Variants in FOXP1 observed in about 807,000 individuals in gnomAD.
The protein encoded by FOXP1 is forkhead box protein P1.
In FOXP1, 15 loss-of-function variants were observed where a neutral mutation model predicts 98.2. That is an observed-to-expected ratio of 0.15 (90% CI 0.10 to 0.24). FOXP1 has a LOEUF of 0.24. Ranked by LOEUF, FOXP1 falls within the 10% of genes least tolerant of loss-of-function variation. The pLI is 1.00. For missense variants in FOXP1, 633 were observed against 848.5 expected (o/e 0.75, Z 3.15); for synonymous variants, 371 against 314.5 (o/e 1.18, Z -1.90).
intron 2 of FOXP1, among the ~76,000 whole-genome samples, chr3:71,578,801 T>C (rs2047920658): frequency 6.6e-6 from 1 of 152,252 alleles, no homozygotes. Flanking sequence ...GGGTATAGTC[T>C]TTAAAAAGGC....
intron 12 of FOXP1, among the ~76,000 whole-genome samples, chr3:71,002,381 G>A (rs2042230697): frequency 6.6e-6 from 1 of 152,188 alleles, no homozygotes; most frequent in African/African-American, 2.4e-5. Flanking sequence ...GTGAACAACA[G>A]TGATGCACCT....
chr3:71,028,669 A>T (rs1002492005), intron 11 of FOXP1, among the ~76,000 whole-genome samples: 1 of 152,246 alleles, frequency 6.6e-6, no homozygotes, highest in Admixed American at 6.5e-5. Flanking sequence ...TTTCGGGATG[A>T]TTCAAGCACA....
chr3:71,394,797 T>TA (rs1261876782), intron 3 of FOXP1, among the ~76,000 whole-genome samples: 1 of 152,128 alleles, frequency 6.6e-6, no homozygotes. Context: ...ATTATGGCTC[T>TA]TAACGAAAGA....
chr3:71,373,015 T>C (rs907857557), intron 3 of FOXP1, among the ~76,000 whole-genome samples: 2 of 152,192 alleles, frequency 1.3e-5, no homozygotes, highest in African/African-American at 4.8e-5. Flanking sequence ...TCACTCCCAG[T>C]GCCAGGTGCA....
chr3:71,009,869 T>C (rs964761023), intron 12 of FOXP1, among the ~76,000 whole-genome samples: 1 of 151,864 alleles, frequency 6.6e-6, no homozygotes, highest in Non-Finnish European at 1.5e-5. Context: ...CCACCTTAGC[T>C]TCCCAATTAA....
Position 71,304,237 on chromosome 3 carries a change from C to A in FOXP1, c.-72-4357G>T, listed in dbSNP as rs79655991. The stretch of plus-strand genomic sequence containing the variant: ...TGGCAGCCCCCCACTCACTCCACAT[C>A]GGCCCATCTCATTTGGAAAAATGAC... On this transcript the variant is annotated intron_variant, in intron 4 of 20. Coordinates refer to ENST00000649528, the MANE Select transcript of FOXP1 (RefSeq NM_001349338.3). 4.0e-4 allele frequency among the ~76,000 whole-genome samples: 61 copies of A among 152,248 alleles called. No homozygotes were observed. The South Asian group carries it at 0.012, about 30-fold the overall frequency.
At chr3:71,385,128 A>G (rs1335898776) in intron 3 of FOXP1, among the ~76,000 whole-genome samples, 1 of 151,976 alleles carries the variant, frequency 6.6e-6, no homozygotes, top group East Asian at 1.9e-4. Flanking sequence ...AAAAATCCTA[A>G]CTGCAATCCT....
At chr3:71,291,712 A>ATTTT (rs11438381) in intron 5 of FOXP1, among the ~76,000 whole-genome samples, 3 of 125,198 alleles carry the variant, frequency 2.4e-5, no homozygotes, top group African/African-American at 6.0e-5. Context: ...CTTATTCTGT[A>ATTTT]TTTTTTTTTT....
chr3:71,168,737 G>A (rs2061502201), intron 6 of FOXP1, among the ~76,000 whole-genome samples: 1 of 152,168 alleles, frequency 6.6e-6, no homozygotes, highest in African/African-American at 2.4e-5. Context: ...TTTAACAATT[G>A]ATAAAATGTT....
intron 6 of FOXP1, among the ~76,000 whole-genome samples, chr3:71,142,426 G>T (rs185320915): frequency 4.5e-4 from 69 of 152,332 alleles, no homozygotes; most frequent in African/African-American, 1.6e-3. Context: ...TTATCTGAGT[G>T]GGCCTGATGG....
At chr3:71,046,038 A>G (rs554096408) in intron 10 of FOXP1, among the ~76,000 whole-genome samples, 1 of 152,280 alleles carries the variant, frequency 6.6e-6, no homozygotes, top group South Asian at 2.1e-4. Flanking sequence ...TTCAAAACAC[A>G]GGCATGGCAC....
chr3:71,201,856 T>G (rs1041063523), intron 5 of FOXP1, among the ~76,000 whole-genome samples: 1 of 152,204 alleles, frequency 6.6e-6, no homozygotes, highest in African/African-American at 2.4e-5. Context: ...ACCAGGGACT[T>G]GATCCCCAAA....
intron 11 of FOXP1, among the ~76,000 whole-genome samples, chr3:71,037,177 GCA>G (rs2106790903): frequency 6.6e-6 from 1 of 152,256 alleles, no homozygotes; most frequent in South Asian, 2.1e-4. Flanking sequence ...CCAGTGCTTG[GCA>G]CAGAGAAGGA....
At chr3:70,975,685 T>C (rs1312127896) in intron 17 of FOXP1, among the ~76,000 whole-genome samples, 1 of 152,222 alleles carries the variant, frequency 6.6e-6, no homozygotes, top group Non-Finnish European at 1.5e-5. Flanking sequence ...CACATGTCTC[T>C]AAATGTTTTG....
chr3:71,287,450 G>A (rs967750661), intron 5 of FOXP1, among the ~76,000 whole-genome samples: 2 of 152,090 alleles, frequency 1.3e-5, no homozygotes, highest in Non-Finnish European at 2.9e-5. Flanking sequence ...TCCAGCCTGG[G>A]CGAAAGAGCG....
chr3:71,113,505 G>A (rs2058104522), intron 6 of FOXP1, among the ~76,000 whole-genome samples: 1 of 152,084 alleles, frequency 6.6e-6, no homozygotes, highest in South Asian at 2.1e-4. Context: ...CCGAGGTCAG[G>A]AGTTCGAGAA....
chr3:71,015,179 A>AC (rs2044270378), intron 12 of FOXP1, among the ~76,000 whole-genome samples: 1 of 151,556 alleles, frequency 6.6e-6, no homozygotes, highest in African/African-American at 2.4e-5. Flanking sequence ...AACAACAACA[A>AC]CAACAACAAA....
intron 5 of FOXP1, chr3:71,289,933 G>A (rs1331323726): frequency 6.6e-6 from 1 of 152,284 alleles, no homozygotes; most frequent in Non-Finnish European, 1.5e-5. Context: ...CCCAGATCCT[G>A]GAACTCTTCT....
intron 6 of FOXP1, among the ~76,000 whole-genome samples, chr3:71,128,420 T>C (rs2059365424): frequency 6.6e-6 from 1 of 151,902 alleles, no homozygotes; most frequent in African/African-American, 2.4e-5. Flanking sequence ...GATAATGAAA[T>C]GGGTTACATA....
Sources: gnomAD v4.1 joint callset for allele counts (sites outside exome capture counted in the v4.1 genomes callset) on GRCh38, gnomAD v4.1.1 for gene constraint, MANE v1.5 for transcripts, NCBI Gene and HGNC (gene_info 2026-07-23, HGNC 2026-07-21) for gene names.